Variants in FBXL20 observed in about 807,000 individuals in gnomAD.
FBXL20 encodes F-box and leucine rich repeat protein 20.
In FBXL20, 11 loss-of-function variants were observed where a neutral mutation model predicts 64.0. That is an observed-to-expected ratio of 0.17 (90% CI 0.11 to 0.28). The LOEUF is 0.28. Ranked by LOEUF, FBXL20 falls within the 10% of genes least tolerant of loss-of-function variation. The pLI, the probability that FBXL20 is intolerant of heterozygous loss-of-function variation, is 1.00. For missense variants in FBXL20, 303 were observed against 526.2 expected, an observed-to-expected ratio of 0.58 and a Z score of 4.15; for synonymous variants, 184 against 189.0, an observed-to-expected ratio of 0.97 and a Z score of 0.22.
At chr17:39,296,952 C>T (rs1032319322) in intron 6 of FBXL20, among the ~76,000 whole-genome samples, 175 bp downstream of exon 6, 4 of 152,076 alleles carry the variant, frequency 2.6e-5, no homozygotes, top group Admixed American at 1.3e-4. Flanking sequence ...GATAGAATTC[C>T]AAAACAAGTT....
chr17:39,353,772 G>A (rs781513317), intron 1 of FBXL20, among the ~76,000 whole-genome samples: 7 of 151,974 alleles, frequency 4.6e-5, no homozygotes, highest in South Asian at 2.1e-4. Flanking sequence ...ACAGACACGC[G>A]CCACCACACC....
In FBXL20 at chr17:39,355,846, ACTT is replaced by A. The variant is rs746557525; in HGVS notation, c.43-12608_43-12606del. ...CTCCAGCCTGAGGGACAAAATCGAG[ACTT>A]CGTCTCAAAAAAAAAAAAAAAAAAA... On this transcript the variant is annotated intron_variant, in intron 1 of 14. Transcript: ENST00000264658. 2.2e-4 allele frequency among the ~76,000 whole-genome samples: 25 copies of A among 114,330 alleles called. No homozygotes were observed. The East Asian group carries it at 5.3e-3, about 24-fold the overall frequency. 75.0% of individuals were successfully genotyped at this position (114,330 alleles called of 152,430 possible).
chr17:39,286,831 TC>T (rs1263927843), intron 6 of FBXL20, among the ~76,000 whole-genome samples: 1 of 151,716 alleles, frequency 6.6e-6, no homozygotes, highest in African/African-American at 2.4e-5. Flanking sequence ...CATCTCTTCT[TC>T]CCCCCTTTTT....
intron 1 of FBXL20, among the ~76,000 whole-genome samples, chr17:39,364,801 C>CA (rs987118174): frequency 6.6e-6 from 1 of 152,150 alleles, no homozygotes; most frequent in African/African-American, 2.4e-5. Context: ...CAAAAGGTCT[C>CA]AGAGTATAAG....
chr17:39,372,280 G>A (rs894568552), intron 1 of FBXL20, among the ~76,000 whole-genome samples: 1 of 151,844 alleles, frequency 6.6e-6, no homozygotes, highest in Non-Finnish European at 1.5e-5. Flanking sequence ...CAGCACTTTG[G>A]GAGGCTGAGG....
intron 2 of FBXL20, among the ~76,000 whole-genome samples, chr17:39,320,224 T>C (rs1190028297): frequency 6.6e-6 from 1 of 150,444 alleles, no homozygotes; most frequent in African/African-American, 2.5e-5. Context: ...GTAGATCAAC[T>C]ATCTATACTT....
intron 6 of FBXL20, among the ~76,000 whole-genome samples, chr17:39,293,525 A>T (rs1048371434): frequency 2.0e-5 from 3 of 152,066 alleles, no homozygotes; most frequent in African/African-American, 7.2e-5. Flanking sequence ...GCCCGGCCTG[A>T]TTCTTAAAAT....
At chr17:39,343,278 A>T in intron 1 of FBXL20, 37 bp from the exon 2 acceptor site, 1 of 1,415,670 alleles carries the variant, frequency 7.1e-7, no homozygotes, top group Non-Finnish European at 9.7e-7. Context: ...GTGTTACTTA[A>T]CATTTTATTA....
intron 2 of FBXL20, among the ~76,000 whole-genome samples, chr17:39,323,133 C>A (rs2047374474): frequency 6.6e-6 from 1 of 152,084 alleles, no homozygotes; most frequent in Admixed American, 6.6e-5. Flanking sequence ...CTGTGCCCAG[C>A]CAATTTTTTG....
chr17:39,268,979 C>A (rs1410839773), intron 11 of FBXL20, 108 bp from the exon 12 acceptor site: 4 of 1,038,952 alleles, frequency 3.9e-6, no homozygotes, highest in African/African-American at 1.6e-5. Context: ...TTGATAAATT[C>A]TTTGGTGTTT....
intron 1 of FBXL20, among the ~76,000 whole-genome samples, chr17:39,368,124 T>C (rs2047879347): frequency 6.6e-6 from 1 of 152,142 alleles, no homozygotes; most frequent in Non-Finnish European, 1.5e-5. Context: ...CACAGTGGCT[T>C]ACTCCTATAA....
intron 2 of FBXL20, among the ~76,000 whole-genome samples, chr17:39,308,881 T>A (rs2047207211): frequency 6.6e-6 from 1 of 152,020 alleles, no homozygotes; most frequent in African/African-American, 2.4e-5. Context: ...AAAAAATTTT[T>A]TAAAAGGTAG....
At chr17:39,289,761 G>A (rs2047020568) in intron 6 of FBXL20, among the ~76,000 whole-genome samples, 1 of 151,816 alleles carries the variant, frequency 6.6e-6, no homozygotes, top group South Asian at 2.1e-4. Context: ...TTGGGAGGCC[G>A]AGGCAGGCAG....
At chr17:39,351,173 A>G (rs1396759652) in intron 1 of FBXL20, among the ~76,000 whole-genome samples, 1 of 151,934 alleles carries the variant, frequency 6.6e-6, no homozygotes, top group Non-Finnish European at 1.5e-5. Flanking sequence ...CATCTCTACT[A>G]AAAATACAAA....
At chr17:39,313,966 A>C (rs901023949) in intron 2 of FBXL20, among the ~76,000 whole-genome samples, 2 of 152,146 alleles carry the variant, frequency 1.3e-5, no homozygotes, top group African/African-American at 4.8e-5. Context: ...CACACTTTAA[A>C]GTGCATAATT....
intron 12 of FBXL20, among the ~76,000 whole-genome samples, chr17:39,266,346 A>G (rs1199001057): frequency 6.6e-6 from 1 of 151,890 alleles, no homozygotes; most frequent in Non-Finnish European, 1.5e-5. Flanking sequence ...CAGCCTCCCA[A>G]GTAGCTGGGA....
intron 2 of FBXL20, among the ~76,000 whole-genome samples, chr17:39,304,344 G>A (rs1260588159): frequency 6.6e-6 from 1 of 152,152 alleles, no homozygotes; most frequent in East Asian, 1.9e-4. Context: ...CTTGAGTGCA[G>A]TGGCACAATC....
chr17:39,397,825 C>A (rs1862043598), intron 1 of FBXL20, among the ~76,000 whole-genome samples: 2 of 147,074 alleles, frequency 1.4e-5, no homozygotes, highest in African/African-American at 2.5e-5. Flanking sequence ...GCTAGTCATG[C>A]TAAAAAAAAA....
At chr17:39,307,676 T>C (rs529525302) in intron 2 of FBXL20, among the ~76,000 whole-genome samples, 10 of 152,070 alleles carry the variant, frequency 6.6e-5, no homozygotes, top group East Asian at 1.9e-4. Context: ...GGCCAGAATA[T>C]GTTAAAAAAA....
Sources: allele counts gnomAD v4.1 joint callset (sites outside exome capture counted in the v4.1 genomes callset), GRCh38; gene constraint gnomAD v4.1.1; transcripts MANE v1.5; gene names NCBI Gene and HGNC (gene_info 2026-07-23, HGNC 2026-07-21).